KLHL13: variants seen among roughly 807,000 people sequenced by gnomAD.
KLHL13 encodes the protein kelch-like protein 13.
KLHL13 carries 10 observed loss-of-function variants against 37.1 expected under a neutral mutation model. That is an observed-to-expected ratio of 0.27 (90% CI 0.17 to 0.46). The LOEUF (loss-of-function observed/expected upper bound fraction) is 0.46, where lower values mean the gene tolerates loss of function less well. KLHL13 is among the 20% of genes least tolerant of loss of function. The pLI is 1.00. For missense variants in KLHL13, 360 were observed against 509.3 expected (o/e 0.71, Z 2.82); for synonymous variants, 163 against 181.2 (o/e 0.90, Z 0.81).
intron 1 of KLHL13, among the ~76,000 whole-genome samples, chrX:117,948,945 C>A (rs1156372110): frequency 8.9e-6 from 1 of 111,908 alleles, no homozygotes; most frequent in Non-Finnish European, 1.9e-5. Flanking sequence ...CTCTGCACTG[C>A]ATTTAAAGAC....
chrX:117,909,132 T>C (rs1037550746), intron 5 of KLHL13, among the ~76,000 whole-genome samples, 169 bp downstream of exon 6: 2 of 112,181 alleles, frequency 1.8e-5, no homozygotes, highest in Non-Finnish European at 3.8e-5. Context: ...CAACGATATA[T>C]GCCCAGATAA....
intron 1 of KLHL13, among the ~76,000 whole-genome samples, chrX:118,074,848 G>A (rs1051051394): frequency 4.5e-5 from 5 of 111,266 alleles, no homozygotes; most frequent in East Asian, 2.8e-4. Flanking sequence ...TATCCCTCCC[G>A]AAGTGTTCCC....
At chrX:118,031,508 TACACAC>T (rs1261654365) in intron 1 of KLHL13, among the ~76,000 whole-genome samples, 21 of 70,882 alleles carry the variant, frequency 3.0e-4, no homozygotes, top group African/African-American at 1.1e-3. Flanking sequence ...TATATATATA[TACACAC>T]ACATATATAT....
At chrX:118,096,426 G>C (rs1174490808) in intron 1 of KLHL13, among the ~76,000 whole-genome samples, 2 of 111,733 alleles carry the variant, frequency 1.8e-5, no homozygotes, top group African/African-American at 6.5e-5. Flanking sequence ...CTGAAATTGA[G>C]GCAATAATTA....
At chrX:118,002,668 T>C (rs895600600) in intron 1 of KLHL13, among the ~76,000 whole-genome samples, 1 of 110,022 alleles carries the variant, frequency 9.1e-6, no homozygotes, top group Non-Finnish European at 1.9e-5. Flanking sequence ...TGGAATATCA[T>C]GCAATTCTCT....
At chrX:118,104,991 G>A (rs2055330707) in intron 1 of KLHL13, among the ~76,000 whole-genome samples, 1 of 112,093 alleles carries the variant, frequency 8.9e-6, no homozygotes, top group Non-Finnish European at 1.9e-5. Context: ...CTGATTAGCT[G>A]TCAGTAAAAA....
intron 1 of KLHL13, among the ~76,000 whole-genome samples, chrX:118,105,893 T>A (rs1008180480): frequency 1.9e-5 from 1 of 52,200 alleles, no homozygotes; most frequent in Non-Finnish European, 3.3e-5. Flanking sequence ...TCTAAACAGC[T>A]TTTTTTTTTT....
rs182880003 is a variant in KLHL13, at chrX:118,062,153, T to C, written c.-56+54355A>G. On this transcript the variant is annotated intron_variant, in intron 1 of 6. Transcript: ENST00000371882. ...TGGTAGTATTTCAAAATAGGAAATA[T>C]GCTTTCTGTGATGCCTCATCAGGGT... Among the ~76,000 whole-genome samples, 6 of 111,323 alleles carry C rather than the reference T, an allele frequency of 5.4e-5. No homozygotes were observed. The East Asian group carries it at 1.7e-3, about 31-fold the overall frequency.
chrX:117,910,014 A>C lies in KLHL13; in HGVS notation c.653T>G (p.Phe218Cys), dbSNP rs542406205. The change falls in exon 5 of 7, where the codon TTC (phenylalanine) becomes TGC (cysteine). Residue 218 changes from phenylalanine (F) to cysteine (C), a missense_variant. This residue lies in a region of KLHL13 where 194 missense variants were observed against 225.0 expected (regional missense o/e 0.86). Coordinates refer to ENST00000262820, the Ensembl canonical transcript of KLHL13. ...CAATGCAGGAAAATTCTTCAAGACG[A>C]AACTGTTAACGTATTTATCCACTTC... The C allele has an allele frequency of 7.5e-6, 9 of 1,206,719 alleles. No homozygotes were observed. The South Asian group carries it at 1.4e-4, about 19-fold the overall frequency.
intron 1 of KLHL13, among the ~76,000 whole-genome samples, chrX:118,100,425 C>G (rs754088949): frequency 1.8e-5 from 2 of 111,878 alleles, no homozygotes; most frequent in Non-Finnish European, 3.8e-5. Context: ...TACTTACACT[C>G]ACTTTCTCCA....
intron 1 of KLHL13, among the ~76,000 whole-genome samples, chrX:118,060,333 T>C (rs1478630338): frequency 9.0e-6 from 1 of 111,209 alleles, no homozygotes; most frequent in Non-Finnish European, 1.9e-5. Context: ...AAGTGTTAAA[T>C]GCATATTATT....
At chrX:117,975,741 T>C (rs1244027904), upstream of KLHL13, among the ~76,000 whole-genome samples, 1 of 112,013 alleles carries the variant, frequency 8.9e-6, no homozygotes, top group Admixed American at 9.5e-5. Flanking sequence ...AAAAACATGG[T>C]AGTGAAGTGT....
rs148649295 is a variant in KLHL13 at position 117,956,866 on chromosome X, T to C, written c.99-11291A>G. On this transcript the variant is annotated intron_variant, in intron 1 of 6. Transcript: ENST00000262820. ...AATCATCATTTTTACATCTTCAAAA[T>C]CCAATCTTTTCATATGTCAAAGATA... Among the ~76,000 whole-genome samples the C allele has an allele frequency of 3.8e-3, 424 of 112,151 alleles. 3 individuals are homozygous for C. The highest frequency in any genetic ancestry group is 0.011 in the African/African-American group (355 of 30,959).
chrX:118,095,448 T>G (rs761420397), intron 1 of KLHL13, among the ~76,000 whole-genome samples: 1 of 111,429 alleles, frequency 9.0e-6, no homozygotes, highest in East Asian at 2.8e-4. Context: ...AATGGGAGAC[T>G]TTAACACCCC....
intron 1 of KLHL13, among the ~76,000 whole-genome samples, chrX:118,081,974 G>GTGTGTGTA (rs2054999694): frequency 9.2e-6 from 1 of 108,460 alleles, no homozygotes; most frequent in East Asian, 2.8e-4. Context: ...GTGTGTGTGT[G>GTGTGTGTA]TGTATACATA....
At chrX:117,954,406 A>G (rs1490138943) in intron 1 of KLHL13, among the ~76,000 whole-genome samples, 1 of 111,528 alleles carries the variant, frequency 9.0e-6, no homozygotes, top group African/African-American at 3.3e-5. Flanking sequence ...AGATAGGTAG[A>G]CGGATGGATG....
intron 1 of KLHL13, among the ~76,000 whole-genome samples, chrX:118,050,756 C>A (rs1238806813): frequency 1.8e-5 from 2 of 112,037 alleles, no homozygotes; most frequent in Non-Finnish European, 3.8e-5. Context: ...CCACTGAGCC[C>A]TGATACACAC....
At chrX:118,114,445 A>G (rs748398229) in intron 1 of KLHL13, among the ~76,000 whole-genome samples, 2 of 112,515 alleles carry the variant, frequency 1.8e-5, no homozygotes, top group Non-Finnish European at 3.8e-5. Flanking sequence ...AAATATAAAT[A>G]GTCTTACTAT....
Position 117,929,179 on chromosome X carries a change from T to C in KLHL13, c.241-8809A>G, listed in dbSNP as rs1260659255. 3.6e-5 allele frequency among the ~76,000 whole-genome samples: 4 copies of C among 112,297 alleles called. No individual in the cohort carries two copies. In the East Asian group the frequency reaches 1.1e-3, roughly 31 times the overall value. On this transcript the variant is annotated intron_variant, in intron 2 of 6. Coordinates refer to ENST00000262820, the Ensembl canonical transcript of KLHL13. ...TACATGTCTACTATAAAATTAAATT[T>C]TAATTTAAAATTGTTTCCCCAAGGA...
Sources: gnomAD v4.1 joint callset for allele counts (sites outside exome capture counted in the v4.1 genomes callset) on GRCh38, gnomAD v4.1.1 for gene constraint, gnomAD v4.1.1 regional missense constraint, MANE v1.5 for transcripts, NCBI Gene and HGNC (gene_info 2026-07-23, HGNC 2026-07-21) for gene names.